The following CSMD1 variants were observed in gnomAD, a reference collection of about 807,000 sequenced individuals.
CSMD1 encodes the protein CUB and sushi domain-containing protein 1.
A neutral mutation model predicts 417.5 loss-of-function variants in CSMD1; 213 were observed. That is an observed-to-expected ratio of 0.51 (90% CI 0.46 to 0.57). The LOEUF (loss-of-function observed/expected upper bound fraction) is 0.57. Among genes scored for constraint, CSMD1 ranks in the 20% least tolerant of loss-of-function variants. The pLI is 0.00. For missense variants in CSMD1, 6,923 were observed against 4,529.7 expected, an observed-to-expected ratio of 1.53 and a Z score of -15.17; for synonymous variants, 2,862 against 1,736.8, an observed-to-expected ratio of 1.65 and a Z score of -16.11.
At chr8:3,763,430 T>A (rs569346244) in intron 5 of CSMD1, among the ~76,000 whole-genome samples, 54 of 152,048 alleles carry the variant, frequency 3.6e-4, no homozygotes, top group Non-Finnish European at 6.5e-4. Flanking sequence ...CCAGAGCTGG[T>A]TGTTTAAAAG....
At position 4,645,056 on chromosome 8, in the gene CSMD1, T is replaced by G. The variant is rs549215950; in HGVS notation, c.86-7498A>C. ...AAAACATTAGGATGCAGGTGATATT[T>G]TAATTCCAAAAGCAGAGTTGCTATT... is the stretch of plus-strand genomic sequence containing the variant. On this transcript the variant is annotated intron_variant, in intron 1 of 69. Transcript: ENST00000635120. 7.2e-4 allele frequency among the ~76,000 whole-genome samples: 110 copies of G among 152,300 alleles called. No individual in the cohort carries two copies. The South Asian group carries it at 0.014, about 20-fold the overall frequency.
chr8:2,993,112 G>C (rs940823284), intron 54 of CSMD1, among the ~76,000 whole-genome samples: 3 of 152,182 alleles, frequency 2.0e-5, no homozygotes, highest in Non-Finnish European at 4.4e-5. Context: ...TCCAGTACTT[G>C]TGAATCCCAA....
intron 3 of CSMD1, among the ~76,000 whole-genome samples, chr8:4,321,287 G>C (rs1164367358): frequency 1.3e-5 from 2 of 152,100 alleles, no homozygotes; most frequent in African/African-American, 2.4e-5. Context: ...GGTATGTTCA[G>C]AGCTGACCCA....
intron 3 of CSMD1, among the ~76,000 whole-genome samples, chr8:4,319,441 A>G (rs1034098573): frequency 1.3e-5 from 2 of 152,128 alleles, no homozygotes; most frequent in African/African-American, 4.8e-5. Context: ...ACTTCTTTCC[A>G]AAATCCAAAT....
At chr8:4,425,543 G>A (rs1797500267) in intron 2 of CSMD1, among the ~76,000 whole-genome samples, 1 of 152,040 alleles carries the variant, frequency 6.6e-6, no homozygotes, top group Non-Finnish European at 1.5e-5. Context: ...ATAAGGAGCT[G>A]GCAAGACTCA....
At chr8:3,134,694 C>A (rs1817981669) in intron 41 of CSMD1, among the ~76,000 whole-genome samples, 1 of 152,204 alleles carries the variant, frequency 6.6e-6, no homozygotes, top group African/African-American at 2.4e-5. Flanking sequence ...CTTCATTTCC[C>A]TTCCTTCTGC....
At chr8:3,196,021 G>C (rs1796683772) in intron 33 of CSMD1, among the ~76,000 whole-genome samples, 1 of 152,108 alleles carries the variant, frequency 6.6e-6, no homozygotes, top group Admixed American at 6.6e-5. Context: ...TGAGGTAGGA[G>C]GTCGGCACAA....
chr8:3,306,135 C>T (rs1243821744), intron 25 of CSMD1, among the ~76,000 whole-genome samples: 2 of 152,018 alleles, frequency 1.3e-5, no homozygotes, highest in Middle Eastern at 3.2e-3. Context: ...CCACTTCATC[C>T]CATTTTATTT....
intron 3 of CSMD1, among the ~76,000 whole-genome samples, chr8:4,395,520 C>A (rs1804142209): frequency 6.6e-6 from 1 of 151,148 alleles, no homozygotes; most frequent in African/African-American, 2.5e-5. Flanking sequence ...CACCAGTTCC[C>A]CACCTACTGT....
chr8:4,298,008 G>T (rs116180594), intron 3 of CSMD1, among the ~76,000 whole-genome samples: 158 of 152,188 alleles, frequency 1.0e-3, no homozygotes, highest in African/African-American at 3.5e-3. Flanking sequence ...GCAAACGCTT[G>T]TTTCCCTTCA....
At chr8:3,088,427 T>C (rs1446667105) in intron 48 of CSMD1, among the ~76,000 whole-genome samples, 1 of 152,184 alleles carries the variant, frequency 6.6e-6, no homozygotes, top group East Asian at 1.9e-4. Flanking sequence ...GGCTTCCATA[T>C]AAAAGCACAC....
intron 25 of CSMD1, among the ~76,000 whole-genome samples, chr8:3,299,546 A>G (rs1156602715): frequency 1.4e-5 from 2 of 139,118 alleles, no homozygotes; most frequent in African/African-American, 2.7e-5. Flanking sequence ...TCCAACGCAC[A>G]GTGTCCCAAG....
At chr8:4,564,130 T>G (rs1217560904) in intron 2 of CSMD1, among the ~76,000 whole-genome samples, 1 of 152,204 alleles carries the variant, frequency 6.6e-6, no homozygotes, top group Admixed American at 6.5e-5. Context: ...TTATATTCTA[T>G]AAAATGAACA....
intron 7 of CSMD1, among the ~76,000 whole-genome samples, chr8:3,629,088 C>A (rs918749088): frequency 6.6e-6 from 1 of 151,998 alleles, no homozygotes; most frequent in Admixed American, 6.6e-5. Flanking sequence ...AGTGAGAAGT[C>A]GGGGGAAGAA....
chr8:4,485,364 G>C (rs181952468), intron 2 of CSMD1, among the ~76,000 whole-genome samples: 2 of 152,098 alleles, frequency 1.3e-5, no homozygotes, highest in Non-Finnish European at 2.9e-5. Flanking sequence ...TTTCACTTGA[G>C]TTAACACCAA....
chr8:3,462,620 A>T (rs113393581), intron 12 of CSMD1, among the ~76,000 whole-genome samples: 8,614 of 152,112 alleles, frequency 0.057, 360 homozygotes, highest in East Asian at 0.15. Flanking sequence ...GCTCCCAATG[A>T]TTCTACATTA....
chr8:4,331,631 G>C (rs541149739), intron 3 of CSMD1, among the ~76,000 whole-genome samples: 1 of 152,206 alleles, frequency 6.6e-6, no homozygotes, highest in African/African-American at 2.4e-5. Context: ...TGTCATGAAA[G>C]CCTCAGTCAT....
In CSMD1 at chr8:3,162,174, G is replaced by C. The variant is rs145598896; in HGVS notation, c.5829C>G (p.Pro1943=). The change falls in exon 38 of 70, where the codon CCC becomes CCG. Residue 1943 remains proline, a synonymous_variant. Transcript: ENST00000635120. ...VNDVLSFQCE[P]GYTLQGRSHI... Reference sequence around the variant, plus strand: ...AGAAGGATACCTGCAGGGTGTACCCGGGCTCGCACTGGAAGGAGAGCACGT... The same window carrying C: ...AGAAGGATACCTGCAGGGTGTACCCCGGCTCGCACTGGAAGGAGAGCACGT... 5 of 1,605,052 alleles carry C rather than the reference G, an allele frequency of 3.1e-6. No individual in the cohort carries two copies. In the African/African-American group the frequency reaches 6.7e-5, roughly 21 times the overall value.
At chr8:4,310,711 C>A (rs776877486) in intron 3 of CSMD1, among the ~76,000 whole-genome samples, 1 of 152,164 alleles carries the variant, frequency 6.6e-6, no homozygotes, top group East Asian at 1.9e-4. Context: ...CTGCAAGACA[C>A]GCAAGCATTG....
Sources: allele counts gnomAD v4.1 joint callset (sites outside exome capture counted in the v4.1 genomes callset), GRCh38; gene constraint gnomAD v4.1.1; transcripts MANE v1.5; gene names NCBI Gene and HGNC (gene_info 2026-07-23, HGNC 2026-07-21).